Variants in CRYBA4 observed in about 807,000 individuals in gnomAD.
The protein encoded by CRYBA4 is crystallin beta A4, also known as beta-crystallin A4.
Under a neutral mutation model 31.7 loss-of-function variants are expected in CRYBA4, and 30 were observed. That is an observed-to-expected ratio of 0.95 (90% CI 0.71 to 1.28). The LOEUF (loss-of-function observed/expected upper bound fraction) is 1.28, where lower values mean the gene tolerates loss of function less well. Ranked by LOEUF, CRYBA4 falls within the 50% of genes most tolerant of loss-of-function variation. The probability of loss-of-function intolerance (pLI) is 0.00; values close to 1 mark genes in which losing one functional copy is unlikely to be tolerated. For synonymous variants in CRYBA4, 102 were observed against 102.3 expected, an observed-to-expected ratio of 1.00 and a Z score of 0.02; for missense variants, 225 against 260.7, an observed-to-expected ratio of 0.86 and a Z score of 0.94.
the CRYBA4 span, chr22:26,602,159 G>A: frequency 9.2e-7 from 1 of 1,085,896 alleles, no homozygotes; most frequent in Non-Finnish European, 1.4e-6. Context: ...GACCACTGCT[G>A]TCTAGTCTGG....
chr22:26,590,291 C>G, the CRYBA4 span: 1 of 151,962 alleles, frequency 6.6e-6, no homozygotes, highest in Non-Finnish European at 1.5e-5. Context: ...CCGGGAACCC[C>G]GCCCCGCCGC....
upstream of CRYBA4, among the ~76,000 whole-genome samples, chr22:26,618,939 C>G (rs1023558900): frequency 6.6e-6 from 1 of 152,224 alleles, no homozygotes; most frequent in Non-Finnish European, 1.5e-5. Flanking sequence ...CGTTATCTGA[C>G]CTGGAGGACA....
the CRYBA4 span, among the ~76,000 whole-genome samples, chr22:26,591,740 C>CAAA: frequency 0.012 from 1,134 of 95,022 alleles, 13 homozygotes; most frequent in Non-Finnish European, 0.014. Flanking sequence ...GACTCCGTCT[C>CAAA]AAAAAAAAAA....
At chr22:26,605,760 T>A in the CRYBA4 span, among the ~76,000 whole-genome samples, 1 of 151,746 alleles carries the variant, frequency 6.6e-6, no homozygotes, top group Non-Finnish European at 1.5e-5. Flanking sequence ...TATTTTTTTT[T>A]TTTATTTTGA....
Position 26,626,442 on chromosome 22 carries a change from A to C in CRYBA4, c.300+820A>C, listed in dbSNP as rs1039300374. On this transcript the variant is annotated intron_variant, in intron 4 of 5. Coordinates refer to ENST00000354760, the MANE Select transcript of CRYBA4 (RefSeq NM_001886.3). Reference sequence around the variant, plus strand: ...ACAAAAAAACAAAAACAAACAAACAAACACAAAAACAACAAAGTGTGTTTT... The same window carrying C: ...ACAAAAAAACAAAAACAAACAAACACACACAAAAACAACAAAGTGTGTTTT... Among the ~76,000 whole-genome samples, 14 of 152,140 alleles carry C rather than the reference A, an allele frequency of 9.2e-5. 2 individuals carry two copies. The highest frequency in any genetic ancestry group is 7.2e-4 in the Admixed American group (11 of 15,278).
the CRYBA4 span, among the ~76,000 whole-genome samples, chr22:26,612,465 C>T: frequency 2.0e-5 from 3 of 152,292 alleles, no homozygotes; most frequent in Non-Finnish European, 2.9e-5. Context: ...CAGGCTCAAG[C>T]GATCCTCCCA....
At chr22:26,626,857 T>G (rs1443471139) in intron 4 of CRYBA4, among the ~76,000 whole-genome samples, 1 of 152,206 alleles carries the variant, frequency 6.6e-6, no homozygotes, top group Non-Finnish European at 1.5e-5. Flanking sequence ...CTATATATCT[T>G]ATCTATATTG....
upstream of CRYBA4, among the ~76,000 whole-genome samples, chr22:26,618,568 C>T (rs1450784685): frequency 6.6e-6 from 1 of 152,186 alleles, no homozygotes; most frequent in Admixed American, 6.5e-5. Context: ...TACTGTGTGC[C>T]GAACCCGTGT....
At chr22:26,627,574 C>T (rs1306867036) in intron 4 of CRYBA4, among the ~76,000 whole-genome samples, 2 of 127,630 alleles carry the variant, frequency 1.6e-5, no homozygotes, top group Non-Finnish European at 3.4e-5. Context: ...CTCTGTCTTT[C>T]TTTTTCTTTC....
At chr22:26,593,207 A>G in the CRYBA4 span, among the ~76,000 whole-genome samples, 1 of 152,220 alleles carries the variant, frequency 6.6e-6, no homozygotes, top group Non-Finnish European at 1.5e-5. Flanking sequence ...GGCAAAACCC[A>G]GTACTTAAGA....
chr22:26,591,145 C>T, the CRYBA4 span, among the ~76,000 whole-genome samples: 5 of 151,722 alleles, frequency 3.3e-5, no homozygotes, highest in East Asian at 2.0e-4. Context: ...GCGAGGCGGG[C>T]GGATCACTTG....
intron 4 of CRYBA4, among the ~76,000 whole-genome samples, chr22:26,627,422 TTCTTTTTC>T (rs1221783660): frequency 1.4e-4 from 14 of 98,170 alleles, no homozygotes; most frequent in Middle Eastern, 4.5e-3. Context: ...CTTTCTTTCT[TTCTTTTTC>T]TTTCTTTCTT....
chr22:26,596,278 A>G, the CRYBA4 span, among the ~76,000 whole-genome samples: 1 of 151,654 alleles, frequency 6.6e-6, no homozygotes, highest in Admixed American at 6.6e-5. Context: ...TATATTTTTA[A>G]TAGAGATGGG....
chr22:26,606,140 T>G, the CRYBA4 span, among the ~76,000 whole-genome samples: 1 of 152,196 alleles, frequency 6.6e-6, no homozygotes, highest in Non-Finnish European at 1.5e-5. Context: ...AATTAGATGG[T>G]TGGATCTCAG....
intron 4 of CRYBA4, among the ~76,000 whole-genome samples, chr22:26,626,096 T>G (rs1053809985): frequency 6.6e-6 from 1 of 152,124 alleles, no homozygotes; most frequent in Non-Finnish European, 1.5e-5. Flanking sequence ...ATGAAAACAT[T>G]GAGGCTCAGA....
chr22:26,595,728 A>G, the CRYBA4 span, among the ~76,000 whole-genome samples: 3 of 152,100 alleles, frequency 2.0e-5, no homozygotes, highest in Non-Finnish European at 2.9e-5. Flanking sequence ...CTCCCACCTC[A>G]GCCTCCCAAA....
the CRYBA4 span, among the ~76,000 whole-genome samples, chr22:26,593,466 T>G: frequency 6.6e-6 from 1 of 152,030 alleles, no homozygotes. Context: ...GGTGAGACCT[T>G]GTCTCTACTT....
the CRYBA4 span, among the ~76,000 whole-genome samples, chr22:26,591,493 A>C: frequency 6.8e-6 from 1 of 146,530 alleles, no homozygotes; most frequent in East Asian, 2.0e-4. Flanking sequence ...ATGCAATCCC[A>C]GCACTTTGGG....
the CRYBA4 span, among the ~76,000 whole-genome samples, chr22:26,596,091 C>T: frequency 6.6e-6 from 1 of 152,010 alleles, no homozygotes; most frequent in Non-Finnish European, 1.5e-5. Flanking sequence ...ACCATCAATG[C>T]AAAGAGTTTT....
Sources: allele counts gnomAD v4.1 joint callset (sites outside exome capture counted in the v4.1 genomes callset), GRCh38; gene constraint gnomAD v4.1.1; transcripts MANE v1.5; gene names NCBI Gene and HGNC (gene_info 2026-07-23, HGNC 2026-07-21).